GAS7: variants seen among roughly 807,000 people sequenced by gnomAD.
The protein encoded by GAS7 is growth arrest-specific protein 7.
Under a neutral mutation model 71.1 loss-of-function variants are expected in GAS7, and 28 were observed. The ratio of observed to expected loss-of-function variants is 0.39; its 90% CI spans 0.29 to 0.54. The LOEUF is 0.54. Among genes scored for constraint, GAS7 ranks in the 20% least tolerant of loss-of-function variants. The pLI is 0.62. For missense variants in GAS7, 436 were observed against 627.8 expected (o/e 0.69, Z 3.27); for synonymous variants, 258 against 245.8 (o/e 1.05, Z -0.46).
chr17:10,070,106 TAGGCACTAG>T (rs2073323881), intron 1 of GAS7, among the ~76,000 whole-genome samples: 1 of 152,038 alleles, frequency 6.6e-6, no homozygotes, highest in African/African-American at 2.4e-5. Flanking sequence ...TACTAGACCA[TAGGCACTAG>T]ATGACCTGCC....
intron 1 of GAS7, among the ~76,000 whole-genome samples, chr17:10,125,756 T>G (rs2073941101): frequency 1.3e-5 from 2 of 152,016 alleles, no homozygotes; most frequent in Admixed American, 6.6e-5. Flanking sequence ...GACTAAGTCT[T>G]GTTTAGCCTT....
intron 1 of GAS7, among the ~76,000 whole-genome samples, chr17:10,081,973 A>G (rs1282292583): frequency 6.6e-6 from 1 of 152,238 alleles, no homozygotes; most frequent in Non-Finnish European, 1.5e-5. Context: ...GCATTACACC[A>G]TTGCTTAGAA....
At chr17:10,125,199 T>C (rs1039259937) in intron 1 of GAS7, among the ~76,000 whole-genome samples, 1 of 151,960 alleles carries the variant, frequency 6.6e-6, no homozygotes, top group Non-Finnish European at 1.5e-5. Context: ...GATAGAAATA[T>C]ATTCTGAGAA....
chr17:10,068,591 T>TA (rs35892404), intron 1 of GAS7, among the ~76,000 whole-genome samples: 25,731 of 141,054 alleles, frequency 0.18, 2,477 homozygotes, highest in Admixed American at 0.3. Flanking sequence ...CCCTGTCTCT[T>TA]AAAAAAAAAA....
intron 1 of GAS7, among the ~76,000 whole-genome samples, chr17:10,084,188 A>G (rs1274957242): frequency 1.3e-5 from 2 of 152,162 alleles, no homozygotes; most frequent in African/African-American, 2.4e-5. Context: ...AAATAAATAT[A>G]AACAGACTTT....
intron 2 of GAS7, among the ~76,000 whole-genome samples, chr17:9,991,633 C>A (rs1052906007): frequency 6.6e-6 from 1 of 152,070 alleles, no homozygotes; most frequent in Non-Finnish European, 1.5e-5. Flanking sequence ...GCTGTCCAAG[C>A]CTGTCTCTCA....
intron 1 of GAS7, among the ~76,000 whole-genome samples, chr17:10,049,919 C>A (rs1046678756): frequency 1.3e-5 from 2 of 152,046 alleles, no homozygotes; most frequent in African/African-American, 4.8e-5. Flanking sequence ...CGCGCCCGGT[C>A]TGAAATTAGT....
Position 9,910,606 on chromosome 17 carries a change from T to C in GAS7, c.*6622A>G. Reference sequence around the variant, plus strand: ...AGAAGAAAAAAAAAACGAGATGGGATTTAACTTCCTGAAAACTCTTTATAA... The same window carrying C: ...AGAAGAAAAAAAAAACGAGATGGGACTTAACTTCCTGAAAACTCTTTATAA... On this transcript the variant is annotated 3_prime_UTR_variant, in exon 14 of 14. Transcript: ENST00000432992. 5.3e-6 allele frequency: 1 copy of C among 187,534 alleles called. No individual in the cohort carries two copies. The highest frequency in any genetic ancestry group is 8.5e-5 in the East Asian group (1 of 11,752). 11.6% of individuals were successfully genotyped at this position (187,534 alleles called of 1,614,324 possible). A position where few individuals can be genotyped will look rare whatever the true frequency, so the allele number is the denominator to read the frequency against.
At position 9,917,747 on chromosome 17, in the gene GAS7, C is replaced by T. The variant is rs760024533; in HGVS notation, c.1317+254G>A. 5.3e-5 allele frequency among the ~76,000 whole-genome samples: 8 copies of T among 152,308 alleles called. No individual in the cohort carries two copies. In the East Asian group the frequency reaches 5.8e-4, roughly 11 times the overall value. The stretch of plus-strand genomic sequence containing the variant: ...ATGTCTTCAGCTACTGTAACTGTTA[C>T]GAGCTTCTTTCTCCTCAGGGTAACA... On this transcript the variant is annotated intron_variant, in intron 13 of 13. Transcript: ENST00000432992.
chr17:9,980,721 T>C (rs745468122), intron 3 of GAS7, among the ~76,000 whole-genome samples: 1 of 152,112 alleles, frequency 6.6e-6, no homozygotes, highest in Non-Finnish European at 1.5e-5. Flanking sequence ...GTCCCCACCC[T>C]CAGGGAGCTT....
intron 2 of GAS7, among the ~76,000 whole-genome samples, chr17:10,016,758 A>G (rs1199735636): frequency 3.0e-5 from 1 of 33,392 alleles, no homozygotes; most frequent in Non-Finnish European, 5.9e-5. Flanking sequence ...AAAAAATAAT[A>G]ATAATAATAA....
At chr17:10,171,076 G>A (rs571248421) in intron 1 of GAS7, among the ~76,000 whole-genome samples, 1 of 152,316 alleles carries the variant, frequency 6.6e-6, no homozygotes, top group East Asian at 1.9e-4. Context: ...CTTCACTTGA[G>A]CCGCAAAGAA....
chr17:10,014,091 C>T (rs1008308239), intron 2 of GAS7, among the ~76,000 whole-genome samples: 2 of 152,168 alleles, frequency 1.3e-5, no homozygotes, highest in East Asian at 1.9e-4. Flanking sequence ...TCTCCCAGAA[C>T]GCACCCCAGG....
intron 1 of GAS7, among the ~76,000 whole-genome samples, chr17:10,110,559 G>A (rs1332598290): frequency 1.2e-4 from 18 of 152,074 alleles, no homozygotes; most frequent in Admixed American, 1.0e-3. Flanking sequence ...TCCGTCTCCC[G>A]GGTTCAACCA....
intron 5 of GAS7, among the ~76,000 whole-genome samples, chr17:9,947,198 A>G (rs929592641): frequency 2.0e-5 from 3 of 152,152 alleles, no homozygotes; most frequent in South Asian, 2.1e-4. Context: ...ACCTCTCTAG[A>G]TGGCAGTTTA....
At chr17:10,021,747 G>A (rs2152208953) in intron 1 of GAS7, among the ~76,000 whole-genome samples, 1 of 152,288 alleles carries the variant, frequency 6.6e-6, no homozygotes, top group South Asian at 2.1e-4. Context: ...GGTTTACCTG[G>A]GCCCTCTCAC....
At chr17:9,989,343 A>C (rs959883623) in intron 2 of GAS7, among the ~76,000 whole-genome samples, 1 of 152,150 alleles carries the variant, frequency 6.6e-6, no homozygotes, top group African/African-American at 2.4e-5. Context: ...TATTATTATT[A>C]TTCATTCAAC....
chr17:9,962,799 G>C (rs191692032), intron 4 of GAS7, among the ~76,000 whole-genome samples: 16 of 152,308 alleles, frequency 1.1e-4, no homozygotes, highest in African/African-American at 3.8e-4. Context: ...CCCCTGCAAA[G>C]GAGAAATCTG....
chr17:10,131,720 T>A (rs536957545), intron 1 of GAS7, among the ~76,000 whole-genome samples: 10 of 152,360 alleles, frequency 6.6e-5, no homozygotes, highest in African/African-American at 2.4e-4. Context: ...ACTCAGTGAA[T>A]ACATGTACTC....
Sources: allele counts gnomAD v4.1 joint callset (sites outside exome capture counted in the v4.1 genomes callset), GRCh38; gene constraint gnomAD v4.1.1; transcripts MANE v1.5; gene names NCBI Gene and HGNC (gene_info 2026-07-23, HGNC 2026-07-21).